The following MYH11 variants were observed in gnomAD, a reference collection of about 807,000 sequenced individuals.
MYH11 encodes myosin-11.
In MYH11, 80 loss-of-function variants were observed where a neutral mutation model predicts 246.6. The observed-to-expected ratio is 0.32, with a 90% CI of 0.27 to 0.39. The LOEUF (loss-of-function observed/expected upper bound fraction) is 0.39, where lower values mean the gene tolerates loss of function less well. Among genes scored for constraint, MYH11 ranks in the 10% least tolerant of loss-of-function variants. MYH11 has a pLI of 1.00. For missense variants in MYH11, 2,158 were observed against 2,546.8 expected (o/e 0.85, Z 3.29); for synonymous variants, 1,071 against 1,015.5 (o/e 1.05, Z -1.04).
chr16:15,814,494 A>C (rs1019076853), intron 3 of MYH11, among the ~76,000 whole-genome samples: 1 of 133,452 alleles, frequency 7.5e-6, no homozygotes, highest in Non-Finnish European at 1.5e-5. Flanking sequence ...TGGAGGTTGC[A>C]GTGAGCCAAG....
At chr16:15,720,006 T>C in intron 34 of MYH11, 145 bp downstream of exon 34, 1 of 1,198,866 alleles carries the variant, frequency 8.3e-7, no homozygotes, top group Non-Finnish European at 1.2e-6. Context: ...CACCAAATCC[T>C]GAATGGTTCC....
At chr16:15,718,046 G>A (rs545672546) in intron 37 of MYH11, 8 of 554,850 alleles carry the variant, frequency 1.4e-5, no homozygotes, top group South Asian at 4.1e-5. Flanking sequence ...CCCAAGGCCC[G>A]GACTCCAGGG....
intron 40 of MYH11, among the ~76,000 whole-genome samples, chr16:15,704,492 C>T (rs2039345330): frequency 6.6e-6 from 1 of 152,156 alleles, no homozygotes; most frequent in African/African-American, 2.4e-5. Flanking sequence ...AAAAACCAAG[C>T]AGGGGATTTT....
intron 4 of MYH11, among the ~76,000 whole-genome samples, chr16:15,793,825 G>A (rs1352449329): frequency 6.8e-6 from 1 of 146,136 alleles, no homozygotes; most frequent in Non-Finnish European, 1.5e-5. Flanking sequence ...GGGTTTCACC[G>A]TGTTAGCCAG....
At chr16:15,774,947 C>T (rs1269548396) in intron 8 of MYH11, among the ~76,000 whole-genome samples, 1 of 152,166 alleles carries the variant, frequency 6.6e-6, no homozygotes, top group African/African-American at 2.4e-5. Context: ...CAATACACTC[C>T]GACACAGCGA....
chr16:15,710,258 C>T (rs1199307306), intron 40 of MYH11, among the ~76,000 whole-genome samples: 1 of 152,264 alleles, frequency 6.6e-6, no homozygotes, highest in South Asian at 2.1e-4. Flanking sequence ...CATGGTGGCT[C>T]ACGCCTGTAA....
intron 4 of MYH11, among the ~76,000 whole-genome samples, chr16:15,798,401 G>A (rs192898814): frequency 2.5e-4 from 38 of 152,246 alleles, no homozygotes; most frequent in African/African-American, 8.4e-4. Flanking sequence ...TAGTTTTTTA[G>A]AAGGAGGAGA....
intron 28 of MYH11, chr16:15,725,207 G>A: frequency 1.6e-6 from 1 of 615,330 alleles, no homozygotes; most frequent in Non-Finnish European, 2.9e-6. Flanking sequence ...CGTCACCTAT[G>A]AGTTGGGACC....
intron 3 of MYH11, among the ~76,000 whole-genome samples, chr16:15,808,000 C>T (rs1012120094): frequency 6.6e-6 from 1 of 152,190 alleles, no homozygotes; most frequent in Non-Finnish European, 1.5e-5. Flanking sequence ...AGGCTCCCTG[C>T]GTCTGCCCTT....
rs11861394 is a variant in MYH11, at chr16:15,741,309, C to T, written c.2859+154G>A. The T allele has an allele frequency of 4.1e-3, 3,472 of 839,556 alleles. 96 individuals carry two copies. In the African/African-American group the frequency reaches 0.051, roughly 12 times the overall value. 52.0% of individuals were successfully genotyped at this position (839,556 alleles called of 1,614,324 possible). A position where few individuals can be genotyped will look rare whatever the true frequency, so the allele number is the denominator to read the frequency against. ...CACTGTGTTCCAGTCCCAATCCCAG[C>T]TGTGTGGCCTTGATCAGATGACCAA... On this transcript the variant is annotated intron_variant, in intron 22 of 40. Transcript: ENST00000300036.
intron 2 of MYH11, among the ~76,000 whole-genome samples, chr16:15,834,480 C>G (rs188639077): frequency 3.4e-3 from 512 of 151,168 alleles, no homozygotes; most frequent in African/African-American, 0.012. Context: ...GAGCCAAGAT[C>G]GCTCCACTTC....
At chr16:15,735,214 C>G in intron 26 of MYH11, 152 bp downstream of exon 26, 1 of 793,648 alleles carries the variant, frequency 1.3e-6, no homozygotes, top group Non-Finnish European at 2.1e-6. Flanking sequence ...AAGAAACAGC[C>G]AACCATGCTT....
Position 15,791,674 on chromosome 16 carries a change from T to A in MYH11, c.531-4942A>T, listed in dbSNP as rs2042613107. On this transcript the variant is annotated intron_variant, in intron 4 of 40. Coordinates refer to ENST00000300036, the MANE Select transcript of MYH11 (RefSeq NM_002474.3). Reference sequence around the variant, plus strand: ...AATAAAAACACTTACCTTGTATGATTTTTTTTTTTTTTTTTTTGAGACAAG... The same window carrying A: ...AATAAAAACACTTACCTTGTATGATATTTTTTTTTTTTTTTTTGAGACAAG... The A allele has an allele frequency of 2.5e-5, 3 of 119,978 alleles. 1 individual carries two copies. In the South Asian group the frequency reaches 7.4e-4, roughly 29 times the overall value. 7.4% of individuals were successfully genotyped at this position (119,978 alleles called of 1,614,324 possible).
intron 13 of MYH11, among the ~76,000 whole-genome samples, chr16:15,757,023 C>T (rs575077898): frequency 7.5e-4 from 113 of 150,294 alleles, no homozygotes; most frequent in Non-Finnish European, 1.1e-3. Flanking sequence ...TGGTCTCCAT[C>T]TCCTGACCTC....
chr16:15,841,389 C>T (rs1596943081), intron 1 of MYH11, among the ~76,000 whole-genome samples: 2 of 152,308 alleles, frequency 1.3e-5, no homozygotes, highest in East Asian at 1.9e-4. Flanking sequence ...CCACCAGCCT[C>T]GGGCTCTCAA....
At chr16:15,713,456 G>C (rs1264651863) in intron 40 of MYH11, 4 of 151,874 alleles carry the variant, frequency 2.6e-5, no homozygotes, top group Admixed American at 2.6e-4. Flanking sequence ...GGTGTGGGAG[G>C]ACCCCTGAGC....
At chr16:15,762,745 C>T (rs187813571) in intron 10 of MYH11, among the ~76,000 whole-genome samples, 1 of 152,204 alleles carries the variant, frequency 6.6e-6, no homozygotes, top group African/African-American at 2.4e-5. Flanking sequence ...AAACTCTGTT[C>T]TCCCATGCAG....
intron 32 of MYH11, 114 bp downstream of exon 32, chr16:15,721,308 C>A (rs2040466500): frequency 2.4e-6 from 3 of 1,262,006 alleles, no homozygotes; most frequent in Non-Finnish European, 3.4e-6. Flanking sequence ...CCTTCCATTT[C>A]CGATGATAGT....
chr16:15,746,751 CT>C (rs2041428269), intron 19 of MYH11, among the ~76,000 whole-genome samples: 1 of 152,166 alleles, frequency 6.6e-6, no homozygotes, highest in Non-Finnish European at 1.5e-5. Flanking sequence ...ACACGGGGAT[CT>C]AGACACCGTC....
Sources: gnomAD v4.1 joint callset for allele counts (sites outside exome capture counted in the v4.1 genomes callset) on GRCh38, gnomAD v4.1.1 for gene constraint, MANE v1.5 for transcripts, NCBI Gene and HGNC (gene_info 2026-07-23, HGNC 2026-07-21) for gene names.